The following MYRIP variants were observed in gnomAD, a reference collection of about 807,000 sequenced individuals.
MYRIP encodes rab effector MyRIP.
MYRIP carries 49 observed loss-of-function variants against 98.0 expected under a neutral mutation model. That is an observed-to-expected ratio of 0.50 (90% CI 0.40 to 0.63). The LOEUF is 0.63. Among genes scored for constraint, MYRIP ranks in the 30% least tolerant of loss-of-function variants. The pLI, the probability that MYRIP is intolerant of heterozygous loss-of-function variation, is 0.00. For synonymous variants in MYRIP, 404 were observed against 409.5 expected (o/e 0.99, Z 0.16); for missense variants, 1,004 against 1,058.2 (o/e 0.95, Z 0.71).
intron 5 of MYRIP, among the ~76,000 whole-genome samples, chr3:40,166,217 AAC>A (rs1462147322): frequency 2.0e-5 from 3 of 152,344 alleles, no homozygotes; most frequent in African/African-American, 7.2e-5. Flanking sequence ...TACATTTAAT[AAC>A]ATTTTCCCCA....
chr3:39,883,639 T>A (rs948996564), intron 1 of MYRIP, among the ~76,000 whole-genome samples: 3 of 151,694 alleles, frequency 2.0e-5, no homozygotes, highest in African/African-American at 7.3e-5. Context: ...ATCTAAAAGT[T>A]GAAATTATAT....
chr3:39,899,516 C>A (rs1053768311), intron 1 of MYRIP, among the ~76,000 whole-genome samples: 1 of 152,062 alleles, frequency 6.6e-6, no homozygotes, highest in African/African-American at 2.4e-5. Flanking sequence ...ATGATCCAAA[C>A]TAAAAATTTC....
At chr3:40,092,325 C>A (rs1948748462) in intron 3 of MYRIP, among the ~76,000 whole-genome samples, 1 of 152,190 alleles carries the variant, frequency 6.6e-6, no homozygotes, top group African/African-American at 2.4e-5. Flanking sequence ...GGGCTCCCTC[C>A]CTTTTCCCTG....
At chr3:39,908,495 G>T (rs1389280873) in intron 2 of MYRIP, among the ~76,000 whole-genome samples, 1 of 152,110 alleles carries the variant, frequency 6.6e-6, no homozygotes, top group African/African-American at 2.4e-5. Flanking sequence ...GTTTGTTGGA[G>T]ACCCACTATG....
intron 2 of MYRIP, among the ~76,000 whole-genome samples, chr3:39,902,520 C>CA (rs552494166): frequency 1.4e-3 from 219 of 152,354 alleles, no homozygotes; most frequent in Non-Finnish European, 2.9e-3. Context: ...TCTCTGGACA[C>CA]AGGGCCTGGC....
intron 12 of MYRIP, among the ~76,000 whole-genome samples, chr3:40,234,916 A>T (rs1328646619): frequency 5.3e-5 from 8 of 151,510 alleles, no homozygotes; most frequent in Non-Finnish European, 1.2e-4. Flanking sequence ...TCGCTTGAAC[A>T]CAGGAGGCGA....
chr3:40,144,257 T>C (rs1336434861), intron 3 of MYRIP, among the ~76,000 whole-genome samples: 1 of 152,194 alleles, frequency 6.6e-6, no homozygotes, highest in Non-Finnish European at 1.5e-5. Context: ...TTTGAACCTC[T>C]AGGCTTTCAT....
At chr3:40,115,866 C>T (rs1949263992) in intron 3 of MYRIP, among the ~76,000 whole-genome samples, 1 of 151,608 alleles carries the variant, frequency 6.6e-6, no homozygotes, top group Non-Finnish European at 1.5e-5. Context: ...GTATCAGTCT[C>T]TCCAAGTGGG....
intron 4 of MYRIP, among the ~76,000 whole-genome samples, chr3:40,160,685 A>G (rs1950369432): frequency 6.6e-6 from 1 of 152,212 alleles, no homozygotes; most frequent in African/African-American, 2.4e-5. Flanking sequence ...GGTGCGGGAT[A>G]TAATCTCCTA....
At chr3:39,927,633 C>T (rs937362316) in intron 2 of MYRIP, among the ~76,000 whole-genome samples, 1 of 151,952 alleles carries the variant, frequency 6.6e-6, no homozygotes, top group African/African-American at 2.4e-5. Context: ...AGAGCTGGTA[C>T]CATACTGAAA....
chr3:40,111,010 A>G (rs1237997482), intron 3 of MYRIP, among the ~76,000 whole-genome samples: 3 of 152,110 alleles, frequency 2.0e-5, no homozygotes, highest in Non-Finnish European at 4.4e-5. Context: ...CTTCTAATAA[A>G]GAGAATACCC....
rs1945720461 is a variant in MYRIP at position 39,975,376 on chromosome 3, C to G, written c.111-68674C>G. On this transcript the variant is annotated intron_variant, in intron 2 of 16. Transcript: ENST00000302541. ...GACCTCTTCAAGGAGAACTACAAAC[C>G]ACTGCTCAAGGAAATAAAAGAGGAT... Among the ~76,000 whole-genome samples the G allele has an allele frequency of 1.3e-5, 2 of 151,972 alleles. 1 individual carries two copies. Among genetic ancestry groups the G allele is most frequent in the South Asian group, 4.2e-4 (2 of 4,788 alleles).
chr3:40,076,989 G>A (rs1490884842), intron 3 of MYRIP, among the ~76,000 whole-genome samples: 1 of 152,122 alleles, frequency 6.6e-6, no homozygotes, highest in Non-Finnish European at 1.5e-5. Context: ...GTCCAGAATT[G>A]GTGGGTTCTT....
chr3:40,125,604 G>T (rs1459851228), intron 3 of MYRIP, among the ~76,000 whole-genome samples: 2 of 152,172 alleles, frequency 1.3e-5, no homozygotes, highest in Non-Finnish European at 2.9e-5. Context: ...TTGACACTCA[G>T]TATTAACCAT....
chr3:39,826,250 C>T (rs1024866046), intron 1 of MYRIP, among the ~76,000 whole-genome samples: 1 of 151,658 alleles, frequency 6.6e-6, no homozygotes, highest in African/African-American at 2.4e-5. Flanking sequence ...TGAGATACAT[C>T]GTTAGGTTAT....
chr3:39,905,708 T>C (rs1943863674), intron 2 of MYRIP, among the ~76,000 whole-genome samples: 1 of 152,236 alleles, frequency 6.6e-6, no homozygotes, highest in Non-Finnish European at 1.5e-5. Flanking sequence ...GTTTTGTTCA[T>C]AGGATGATTC....
At position 40,238,843 on chromosome 3, in the gene MYRIP, C is replaced by T. The variant is rs574358400; in HGVS notation, c.2100+4790C>T. On this transcript the variant is annotated intron_variant, in intron 12 of 16. Transcript: ENST00000302541. ...ACATCAGCATTTACATATCCAATCT[C>T]CTGTTTTCACAAACTGCCTTAACCC... is the stretch of plus-strand genomic sequence containing the variant. The T allele has an allele frequency of 3.3e-5, 5 of 152,342 alleles. No individual in the cohort carries two copies. The East Asian group carries it at 9.6e-4, about 29-fold the overall frequency. The allele number at this position is 152,342 out of a possible 1,614,324, so 9.4% of individuals were successfully genotyped here.
At chr3:40,201,649 A>G (rs1951563015) in intron 10 of MYRIP, among the ~76,000 whole-genome samples, 1 of 151,114 alleles carries the variant, frequency 6.6e-6, no homozygotes, top group South Asian at 2.1e-4. Flanking sequence ...GAGAACCTTG[A>G]GAGACTCTCT....
chr3:40,098,740 TTGTGTGTGTG>T (rs3063561), intron 3 of MYRIP, among the ~76,000 whole-genome samples: 74 of 135,282 alleles, frequency 5.5e-4, no homozygotes, highest in African/African-American at 1.9e-3. Context: ...GTCTCTCTCA[TTGTGTGTGTG>T]TGTGTGTGTG....
Sources: allele counts gnomAD v4.1 joint callset (sites outside exome capture counted in the v4.1 genomes callset), GRCh38; gene constraint gnomAD v4.1.1; transcripts MANE v1.5; gene names NCBI Gene and HGNC (gene_info 2026-07-23, HGNC 2026-07-21).